CCDC85C: variants seen among roughly 807,000 people sequenced by gnomAD.
CCDC85C encodes the protein coiled-coil domain-containing protein 85C.
In CCDC85C, 18 loss-of-function variants were observed where a neutral mutation model predicts 38.3. That is an observed-to-expected ratio of 0.47 (90% confidence interval 0.33 to 0.70). The LOEUF (loss-of-function observed/expected upper bound fraction) is 0.70. Ranked by LOEUF, CCDC85C falls within the 30% of genes least tolerant of loss-of-function variation. The pLI, the probability that CCDC85C is intolerant of heterozygous loss-of-function variation, is 0.03. For missense variants in CCDC85C, 566 were observed against 621.2 expected (o/e 0.91, Z 0.94); for synonymous variants, 264 against 293.8 (o/e 0.90, Z 1.04).
At chr14:99,517,215 C>G (rs2139896585) in intron 3 of CCDC85C, 32 bp from the exon 4 acceptor site, 2 of 1,483,880 alleles carry the variant, frequency 1.3e-6, no homozygotes, top group South Asian at 2.6e-5. Flanking sequence ...CTCAGCTCAC[C>G]CTGGCTGGCT....
At chr14:99,534,825 T>C (rs868240332) in intron 2 of CCDC85C, 11 of 659,358 alleles carry the variant, frequency 1.7e-5, no homozygotes, top group East Asian at 2.7e-5. Flanking sequence ...CCCTTCACCA[T>C]AGGGCACCTG....
At position 99,603,606 on chromosome 14, in the gene CCDC85C, G is replaced by C; in HGVS notation, c.354C>G (p.His118Gln). Residue 118 changes from histidine (H) to glutamine (Q), a missense_variant, in exon 1 of 6, where the codon CAC becomes CAG. Coordinates refer to ENST00000380243, the MANE Select transcript of CCDC85C (RefSeq NM_001144995.2). This position sits in a 1 kb window ranked among gnomAD's most constrained non-coding sequence, Gnocchi z 7.5. ...GCTTCTGCTGCGAGCGGGCCACCTC[G>C]TGCCACACGGCGCCGGCCGCGTGGC... ...FGRHAAGAVWHEVARSQQKLR... is the reference protein window; with the variant it reads ...FGRHAAGAVWQEVARSQQKLR... The C allele has an allele frequency of 1.4e-6, 2 of 1,453,230 alleles. No individual in the cohort carries two copies. The highest frequency in any genetic ancestry group is 1.8e-6 in the Non-Finnish European group (2 of 1,106,224). The allele number at this position is 1,453,230 out of a possible 1,614,324, so 90.0% of individuals were successfully genotyped here.
At chr14:99,546,065 G>C (rs970274159) in intron 1 of CCDC85C, among the ~76,000 whole-genome samples, 2 of 151,684 alleles carry the variant, frequency 1.3e-5, no homozygotes, top group African/African-American at 2.4e-5. Context: ...CATGGGGGGG[G>C]GGAATAAACA....
intron 2 of CCDC85C, among the ~76,000 whole-genome samples, chr14:99,528,869 G>T (rs1406589462): frequency 6.6e-6 from 1 of 152,194 alleles, no homozygotes; most frequent in Non-Finnish European, 1.5e-5. Flanking sequence ...GCATCAGGAA[G>T]AAGAGCTAAT....
intron 1 of CCDC85C, among the ~76,000 whole-genome samples, chr14:99,538,879 T>C (rs908033294): frequency 3.9e-5 from 6 of 152,226 alleles, no homozygotes; most frequent in African/African-American, 1.4e-4. Flanking sequence ...TCGCCAGCAA[T>C]GCCCTGCCTG....
Position 99,576,505 on chromosome 14 carries a change from T to C in CCDC85C, c.793+26662A>G, listed in dbSNP as rs1350367978. On this transcript the variant is annotated intron_variant, in intron 1 of 5. Coordinates refer to ENST00000380243, the MANE Select transcript of CCDC85C (RefSeq NM_001144995.2). The surrounding 1 kb of genome is among the most constrained non-coding windows in gnomAD (Gnocchi z 4.8). ...GCACAGGATGGTGCTGTCCACGCAC[T>C]TCTCATGAACCACACCAGTGGGACC... 6.6e-6 allele frequency: 1 copy of C among 152,274 alleles called. No individual in the cohort carries two copies. Among genetic ancestry groups the C allele is most frequent in the African/African-American group, 2.4e-5 (1 of 41,438 alleles). 9.4% of individuals were successfully genotyped at this position (152,274 alleles called of 1,614,324 possible).
At chr14:99,583,502 C>CAA (rs35333670) in intron 1 of CCDC85C, among the ~76,000 whole-genome samples, 32 of 85,356 alleles carry the variant, frequency 3.7e-4, no homozygotes, top group African/African-American at 1.2e-3. Flanking sequence ...AACTCCTTCT[C>CAA]AAAAAAAAAA....
chr14:99,604,005 C>A lies in CCDC85C; in HGVS notation c.-46G>T, dbSNP rs1270870065. On this transcript the variant is annotated 5_prime_UTR_variant, in exon 1 of 6. Transcript: ENST00000380243. The stretch of plus-strand genomic sequence containing the variant: ...ATCGCCCTCGCCCTCGCCCGGCCGG[C>A]GCTTCCCCGCGCCGGGGCTCCGCTG... 6.4e-5 allele frequency: 75 copies of A among 1,177,060 alleles called. No homozygotes were observed. Among genetic ancestry groups the A allele is most frequent in the Non-Finnish European group, 7.6e-5 (73 of 954,490 alleles). The allele number at this position is 1,177,060 out of a possible 1,614,324, so 72.9% of individuals were successfully genotyped here. A position where few individuals can be genotyped will look rare whatever the true frequency, so the allele number is the denominator to read the frequency against.
intron 1 of CCDC85C, among the ~76,000 whole-genome samples, chr14:99,557,830 G>T (rs749337884): frequency 6.6e-5 from 10 of 152,182 alleles, no homozygotes; most frequent in Non-Finnish European, 1.2e-4. Flanking sequence ...CACGAGGATT[G>T]CTTGAACCCA....
At chr14:99,557,239 C>T (rs4243724) in intron 1 of CCDC85C, among the ~76,000 whole-genome samples, 81,994 of 152,056 alleles carry the variant, frequency 0.54, 22,372 homozygotes, top group African/African-American at 0.61. Flanking sequence ...GTGCTGTAGT[C>T]GGGATTTGAG....
At position 99,588,511 on chromosome 14, in the gene CCDC85C, G is replaced by C. The variant is rs1430129872; in HGVS notation, c.793+14656C>G. 2.0e-5 allele frequency among the ~76,000 whole-genome samples: 3 copies of C among 152,104 alleles called. No individual in the cohort carries two copies. The highest frequency in any genetic ancestry group is 4.4e-5 in the Non-Finnish European group (3 of 68,018). ...GTGGGAGTATGAAGGAGAGATCAAG[G>C]TTGTAATTCAAAAGAAAATGAGATT... On this transcript the variant is annotated intron_variant, in intron 1 of 5. Transcript: ENST00000380243. This position sits in a 1 kb window ranked among gnomAD's most constrained non-coding sequence, Gnocchi z 5.0.
chr14:99,561,568 C>T (rs1469504876), intron 1 of CCDC85C, among the ~76,000 whole-genome samples: 1 of 152,212 alleles, frequency 6.6e-6, no homozygotes, highest in African/African-American at 2.4e-5. Flanking sequence ...GCACCAGGGG[C>T]GGGCGCCATG....
At position 99,503,001 on chromosome 14, in the gene CCDC85C, A is replaced by G. The variant is rs1230566897; in HGVS notation, c.*12245T>C. The G allele has an allele frequency of 6.2e-7, 1 of 1,613,696 alleles. No homozygotes were observed. Among genetic ancestry groups the G allele is most frequent in the African/African-American group, 1.3e-5 (1 of 74,934 alleles). ...CGAGCCGTGGTGAGTGGGCTAAAGC[A>G]GGCCCTGGGTAGAGCAGGCTTTCCA... On this transcript the variant is annotated 3_prime_UTR_variant, in exon 6 of 6. Transcript: ENST00000380243.
chr14:99,511,168 GTCCAAT>G lies in CCDC85C; in HGVS notation c.*4072_*4077del, dbSNP rs1017448985. On this transcript the variant is annotated 3_prime_UTR_variant, in exon 6 of 6. Transcript: ENST00000380243. ...TTTCCTGGAAACTCAATTTTAAATA[GTCCAAT>G]TCCATCTGAAGCCAAGCTGTTGTCA... 1.9e-5 allele frequency: 3 copies of G among 159,326 alleles called. No individual in the cohort carries two copies. The highest frequency in any genetic ancestry group is 7.2e-5 in the African/African-American group (3 of 41,802). The allele number at this position is 159,326 out of a possible 1,614,324, so 9.9% of individuals were successfully genotyped here.
chr14:99,525,747 C>T (rs1426937166), intron 2 of CCDC85C, among the ~76,000 whole-genome samples: 1 of 152,218 alleles, frequency 6.6e-6, no homozygotes, highest in African/African-American at 2.4e-5. Context: ...CGCAAGTGAC[C>T]ACTTGGACCA....
intron 1 of CCDC85C, among the ~76,000 whole-genome samples, chr14:99,550,286 A>G (rs1897883205): frequency 6.6e-6 from 1 of 152,188 alleles, no homozygotes; most frequent in African/African-American, 2.4e-5. Flanking sequence ...AATGTTTAAA[A>G]ACAGAGAGCC....
intron 1 of CCDC85C, among the ~76,000 whole-genome samples, chr14:99,578,333 G>A (rs1433526378): frequency 6.7e-6 from 1 of 149,062 alleles, no homozygotes; most frequent in Non-Finnish European, 1.5e-5. Flanking sequence ...GTGTGTGTGT[G>A]TGTACACATC....
rs2055234326 is a variant in CCDC85C at position 99,603,579 on chromosome 14, C to G, written c.381G>C (p.Leu127=). The G allele has an allele frequency of 7.1e-7, 1 of 1,407,960 alleles. No individual in the cohort carries two copies. Among genetic ancestry groups the G allele is most frequent in the Non-Finnish European group, 9.2e-7 (1 of 1,086,820 alleles). The allele number at this position is 1,407,960 out of a possible 1,614,324, so 87.2% of individuals were successfully genotyped here. A position where few individuals can be genotyped will look rare whatever the true frequency, so the allele number is the denominator to read the frequency against. Residue 127 remains leucine, a synonymous_variant, in exon 1 of 6, where the codon CTG becomes CTC. Coordinates refer to ENST00000380243, the MANE Select transcript of CCDC85C (RefSeq NM_001144995.2). This position sits in a 1 kb window ranked among gnomAD's most constrained non-coding sequence, Gnocchi z 7.5. The stretch of plus-strand genomic sequence containing the variant: ...CCTCCTGGCGCGCCTCGAGCTCGCG[C>G]AGCTTCTGCTGCGAGCGGGCCACCT... ...WHEVARSQQK[L]RELEARQEAL...
rs1897105510 is a variant in CCDC85C, at chr14:99,510,606, C to T, written c.*4640G>A. ...CCCCAACTTCCCACCCCCACCCCCA[C>T]GCCTCCCGCCTACCCACGCAGTCCC... On this transcript the variant is annotated 3_prime_UTR_variant, in exon 6 of 6. Transcript: ENST00000380243. The T allele has an allele frequency of 2.6e-6, 3 of 1,144,806 alleles. No homozygotes were observed. The highest frequency in any genetic ancestry group is 2.8e-5 in the East Asian group (1 of 36,240). The allele number at this position is 1,144,806 out of a possible 1,614,324, so 70.9% of individuals were successfully genotyped here.
Sources: allele counts gnomAD v4.1 joint callset (sites outside exome capture counted in the v4.1 genomes callset), GRCh38; gene constraint gnomAD v4.1.1; non-coding constraint Gnocchi (gnomAD v3.1); transcripts MANE v1.5; gene names NCBI Gene and HGNC (gene_info 2026-07-23, HGNC 2026-07-21).